Variants in NOX4 observed in about 807,000 individuals in gnomAD.
NOX4 encodes the protein kidney oxidase-1.
A neutral mutation model predicts 87.6 loss-of-function variants in NOX4; 69 were observed. The ratio of observed to expected loss-of-function variants is 0.79; its 90% CI spans 0.65 to 0.96. NOX4 has a LOEUF of 0.96. Ranked by LOEUF, NOX4 falls within the 40% of genes least tolerant of loss-of-function variation. NOX4 has a pLI of 0.00. For synonymous variants in NOX4, 275 were observed against 238.2 expected, an observed-to-expected ratio of 1.15 and a Z score of -1.42; for missense variants, 680 against 681.5, an observed-to-expected ratio of 1.00 and a Z score of 0.02.
At chr11:89,487,469 A>G (rs903121528) in intron 2 of NOX4, among the ~76,000 whole-genome samples, 1 of 152,196 alleles carries the variant, frequency 6.6e-6, no homozygotes, top group African/African-American at 2.4e-5. Flanking sequence ...ATTACCTTAC[A>G]TTTCACAGAC....
the NOX4 span, among the ~76,000 whole-genome samples, chr11:89,517,061 TG>T: frequency 6.6e-6 from 1 of 152,134 alleles, no homozygotes; most frequent in African/African-American, 2.4e-5. Flanking sequence ...TTCGGTTCAA[TG>T]CGTAATTGAA....
At chr11:89,460,255 G>T (rs976699288) in intron 2 of NOX4, among the ~76,000 whole-genome samples, 1 of 152,102 alleles carries the variant, frequency 6.6e-6, no homozygotes, top group South Asian at 2.1e-4. Flanking sequence ...ACATGAGCAA[G>T]GACTTCATGT....
chr11:89,417,555 T>A (rs1303841045), intron 8 of NOX4, among the ~76,000 whole-genome samples: 1 of 152,138 alleles, frequency 6.6e-6, no homozygotes, highest in Non-Finnish European at 1.5e-5. Flanking sequence ...CTTAGAATAT[T>A]ATAATTGTTG....
Position 89,337,361 on chromosome 11 carries a change from C to T in NOX4, c.1515+86G>A. ...TCTAGGAAACTTCTGTTCGAACCAC[C>T]TGCAGGAATTTTCTTCCACCACAGC... On this transcript the variant is annotated intron_variant, in intron 16 of 17. Coordinates refer to ENST00000263317, the MANE Select transcript of NOX4 (RefSeq NM_016931.5). The T allele has an allele frequency of 2.5e-6, 4 of 1,585,816 alleles. No individual in the cohort carries two copies. The Admixed American group carries it at 5.2e-5, about 20-fold the overall frequency.
At chr11:89,514,592 A>G in the NOX4 span, among the ~76,000 whole-genome samples, 1 of 151,992 alleles carries the variant, frequency 6.6e-6, no homozygotes, top group African/African-American at 2.4e-5. Flanking sequence ...GGGGAAGAGC[A>G]TTGAGTACTT....
At chr11:89,475,191 A>T (rs1421301747) in intron 2 of NOX4, among the ~76,000 whole-genome samples, 1 of 151,954 alleles carries the variant, frequency 6.6e-6, no homozygotes, top group Non-Finnish European at 1.5e-5. Context: ...AAAATAAAAA[A>T]CTTGTACTGA....
chr11:89,518,550 C>T, the NOX4 span, among the ~76,000 whole-genome samples: 6 of 151,972 alleles, frequency 3.9e-5, no homozygotes, highest in Admixed American at 1.3e-4. Flanking sequence ...TTTGCAAGAG[C>T]ATGTCAGGAG....
chr11:89,384,504 A>G (rs1259999263), intron 11 of NOX4, among the ~76,000 whole-genome samples: 1 of 152,106 alleles, frequency 6.6e-6, no homozygotes, highest in Non-Finnish European at 1.5e-5. Flanking sequence ...CACTTCTACA[A>G]AACAACAACT....
intron 11 of NOX4, among the ~76,000 whole-genome samples, chr11:89,376,843 C>A (rs1591060379): frequency 6.6e-6 from 1 of 152,240 alleles, no homozygotes; most frequent in East Asian, 1.9e-4. Context: ...GATCACGCCA[C>A]TGCACTCCAG....
the NOX4 span, among the ~76,000 whole-genome samples, chr11:89,544,795 C>T: frequency 6.6e-6 from 1 of 151,950 alleles, no homozygotes; most frequent in Admixed American, 6.6e-5. Context: ...ATTTTCAATT[C>T]ACATGTACCT....
intron 2 of NOX4, among the ~76,000 whole-genome samples, chr11:89,453,803 C>T (rs76493454): frequency 0.024 from 3,577 of 152,184 alleles, 127 homozygotes; most frequent in African/African-American, 0.078. Context: ...ATTCTGGCTC[C>T]AGCATTTATA....
intron 7 of NOX4, among the ~76,000 whole-genome samples, chr11:89,429,310 A>G (rs980527912): frequency 3.3e-5 from 5 of 152,172 alleles, no homozygotes; most frequent in Non-Finnish European, 5.9e-5. Context: ...CTAGAGAAGC[A>G]AGAGCAAACA....
chr11:89,447,880 C>T (rs569881085), intron 4 of NOX4, among the ~76,000 whole-genome samples: 92 of 152,250 alleles, frequency 6.0e-4, no homozygotes, highest in Middle Eastern at 6.8e-3. Flanking sequence ...CTAACACCTG[C>T]AGAGGTGGGA....
chr11:89,524,156 C>T, the NOX4 span, among the ~76,000 whole-genome samples: 2 of 152,104 alleles, frequency 1.3e-5, no homozygotes, highest in Non-Finnish European at 2.9e-5. Context: ...TAAGTTCTAC[C>T]CTCAAGAAAG....
chr11:89,573,436 G>A, the NOX4 span, among the ~76,000 whole-genome samples: 2 of 152,356 alleles, frequency 1.3e-5, no homozygotes, highest in South Asian at 4.1e-4. Context: ...CTACTCAGGA[G>A]GCTGAGGCAG....
At chr11:89,367,451 T>G (rs1813773145) in intron 12 of NOX4, among the ~76,000 whole-genome samples, 1 of 152,160 alleles carries the variant, frequency 6.6e-6, no homozygotes, top group Non-Finnish European at 1.5e-5. Flanking sequence ...CGCAGCAATA[T>G]GTACCATCGC....
intron 11 of NOX4, among the ~76,000 whole-genome samples, chr11:89,377,528 C>T (rs1248609473): frequency 1.3e-5 from 2 of 151,968 alleles, no homozygotes; most frequent in Non-Finnish European, 2.9e-5. Flanking sequence ...TTTTAATGTG[C>T]ACAAATGACT....
At chr11:89,489,074 T>C (rs1591375464) in intron 2 of NOX4, 1 of 691,578 alleles carries the variant, frequency 1.4e-6, no homozygotes, top group African/African-American at 1.8e-5. Context: ...GCTTAAAACC[T>C]AGAAGTTAAA....
the NOX4 span, among the ~76,000 whole-genome samples, chr11:89,518,891 T>C: frequency 6.7e-6 from 1 of 148,286 alleles, no homozygotes; most frequent in Admixed American, 7.0e-5. Context: ...AAGATCTATC[T>C]GTGATTATGA....
Sources: gnomAD v4.1 joint callset for allele counts (sites outside exome capture counted in the v4.1 genomes callset) on GRCh38, gnomAD v4.1.1 for gene constraint, MANE v1.5 for transcripts, NCBI Gene and HGNC (gene_info 2026-07-23, HGNC 2026-07-21) for gene names.